Variants in FRMPD4 observed in about 807,000 individuals in gnomAD.
The protein encoded by FRMPD4 is FERM and PDZ domain containing 4, also known as FERM and PDZ domain-containing protein 4.
In FRMPD4, 22 loss-of-function variants were observed where a neutral mutation model predicts 94.1. The observed-to-expected ratio is 0.23, with a 90% CI of 0.17 to 0.33. The LOEUF (loss-of-function observed/expected upper bound fraction) is 0.33. FRMPD4 is among the 10% of genes least tolerant of loss of function. The pLI is 1.00. For synonymous variants in FRMPD4, 631 were observed against 548.6 expected, an observed-to-expected ratio of 1.15 and a Z score of -2.10; for missense variants, 1,111 against 1,339.9, an observed-to-expected ratio of 0.83 and a Z score of 2.67.
At chrX:12,040,452 T>A (rs2054747305) in intron 3 of FRMPD4, among the ~76,000 whole-genome samples, 1 of 109,610 alleles carries the variant, frequency 9.1e-6, no homozygotes, top group Non-Finnish European at 1.9e-5. Context: ...CATATAGAAG[T>A]CTACTGATTT....
intron 3 of FRMPD4, among the ~76,000 whole-genome samples, chrX:12,087,346 C>T (rs983407444): frequency 1.8e-5 from 2 of 111,860 alleles, no homozygotes; most frequent in Non-Finnish European, 3.8e-5. Context: ...TTCCTCCATT[C>T]CTAATCAGGC....
chrX:11,862,318 G>A (rs776224225), intron 1 of FRMPD4, among the ~76,000 whole-genome samples: 13 of 111,279 alleles, frequency 1.2e-4, no homozygotes, highest in Admixed American at 1.9e-4. Context: ...AAGCATTTTG[G>A]TGGTCTTTGG....
At chrX:12,694,578 G>A (rs923679111) in intron 9 of FRMPD4, 124 bp downstream of exon 9, 22 of 482,360 alleles carry the variant, frequency 4.6e-5, no homozygotes, top group Admixed American at 2.4e-4. Context: ...TCAGTGAATC[G>A]TACGATAATT....
At chrX:12,518,168 T>C (rs1333094656) in intron 2 of FRMPD4, among the ~76,000 whole-genome samples, 1 of 110,643 alleles carries the variant, frequency 9.0e-6, no homozygotes, top group Admixed American at 9.5e-5. Context: ...GGGAGCTCAA[T>C]AGTCTTAGGC....
intron 3 of FRMPD4, among the ~76,000 whole-genome samples, chrX:11,990,972 G>C (rs990125355): frequency 2.7e-5 from 3 of 111,230 alleles, no homozygotes; most frequent in African/African-American, 9.8e-5. Flanking sequence ...TATTTTTCTG[G>C]CCAGTGAATA....
intron 3 of FRMPD4, among the ~76,000 whole-genome samples, chrX:12,062,365 T>C (rs1288471146): frequency 1.8e-5 from 2 of 112,471 alleles, no homozygotes; most frequent in African/African-American, 6.5e-5. Flanking sequence ...CCCAATTTTC[T>C]CAATATTGAG....
At chrX:12,158,410 T>G (rs1360400471) in intron 1 of FRMPD4, among the ~76,000 whole-genome samples, 1 of 111,987 alleles carries the variant, frequency 8.9e-6, no homozygotes, top group Non-Finnish European at 1.9e-5. Flanking sequence ...TTTTTAAGAC[T>G]GTTCGGTGAT....
At chrX:12,419,407 T>C (rs2056853693) in intron 1 of FRMPD4, among the ~76,000 whole-genome samples, 1 of 112,747 alleles carries the variant, frequency 8.9e-6, no homozygotes, top group African/African-American at 3.2e-5. Context: ...AATGTTTTTG[T>C]TTTGGAAAAT....
At chrX:12,349,093 C>G (rs773087143) in intron 1 of FRMPD4, among the ~76,000 whole-genome samples, 1 of 111,109 alleles carries the variant, frequency 9.0e-6, no homozygotes, top group Non-Finnish European at 1.9e-5. Context: ...TCTCTGTCCC[C>G]CCTGGAGACC....
intron 15 of FRMPD4, 151 bp from the exon 16 acceptor site, chrX:12,717,350 T>A (rs981524814): frequency 1.0e-4 from 40 of 384,550 alleles, no homozygotes; most frequent in Admixed American, 4.3e-4. Flanking sequence ...CCCACCCCCA[T>A]TTCTGGAAAA....
intron 1 of FRMPD4, among the ~76,000 whole-genome samples, chrX:12,442,477 G>A (rs901941100): frequency 4.5e-5 from 5 of 111,758 alleles, no homozygotes; most frequent in Non-Finnish European, 9.4e-5. Flanking sequence ...TGTAAAGACC[G>A]TCTAATTCAA....
intron 1 of FRMPD4, among the ~76,000 whole-genome samples, chrX:12,374,287 C>G (rs190609586): frequency 2.7e-5 from 3 of 112,199 alleles, no homozygotes; most frequent in East Asian, 2.8e-4. Flanking sequence ...ATTTTAGACT[C>G]TAAATTTTGA....
chrX:12,077,096 A>G (rs1284436162), intron 3 of FRMPD4, among the ~76,000 whole-genome samples: 1 of 111,078 alleles, frequency 9.0e-6, no homozygotes, highest in Admixed American at 9.6e-5. Context: ...TACAGGGCTT[A>G]TGTTTCTTTA....
intron 2 of FRMPD4, among the ~76,000 whole-genome samples, chrX:12,539,697 G>A (rs773721413): frequency 1.8e-5 from 2 of 109,753 alleles, no homozygotes; most frequent in Admixed American, 1.9e-4. Context: ...GCAATGGCAC[G>A]ATCTCAGCTC....
intron 2 of FRMPD4, among the ~76,000 whole-genome samples, chrX:12,572,746 C>T (rs111548007): frequency 0.036 from 4,048 of 111,734 alleles, 73 homozygotes; most frequent in Middle Eastern, 0.1. Context: ...TATGTACATA[C>T]GCACAGGAGT....
intron 1 of FRMPD4, among the ~76,000 whole-genome samples, chrX:12,337,413 G>A (rs1231595525): frequency 8.9e-6 from 1 of 112,182 alleles, no homozygotes; most frequent in African/African-American, 3.2e-5. Flanking sequence ...TATAAAGAAT[G>A]CACACATATT....
At chrX:12,719,937 C>T (rs1207276213) in intron 16 of FRMPD4, among the ~76,000 whole-genome samples, 1 of 106,410 alleles carries the variant, frequency 9.4e-6, no homozygotes, top group African/African-American at 3.5e-5. Flanking sequence ...TAAAAAGATT[C>T]ACTTATTTAA....
chrX:12,139,823 A>G (rs995141117), intron 1 of FRMPD4, among the ~76,000 whole-genome samples: 6 of 111,591 alleles, frequency 5.4e-5, no homozygotes, highest in African/African-American at 1.3e-4. Flanking sequence ...TTAATTGGGA[A>G]GAGCCCAATA....
rs1294503484 is a variant in FRMPD4, at chrX:12,324,666, A to G, written c.42-174014A>G. On this transcript the variant is annotated intron_variant, in intron 1 of 16. Transcript: ENST00000675598. ...TTCATGCCTTATGTTCTCAAATATC[A>G]AGTGCCTAGATTCTTTCACTTAGAT... is the stretch of plus-strand genomic sequence containing the variant. 4.5e-5 allele frequency among the ~76,000 whole-genome samples: 5 copies of G among 112,107 alleles called. No individual in the cohort carries two copies. The East Asian group carries it at 1.4e-3, about 31-fold the overall frequency.
Sources: gnomAD v4.1 joint callset for allele counts (sites outside exome capture counted in the v4.1 genomes callset) on GRCh38, gnomAD v4.1.1 for gene constraint, MANE v1.5 for transcripts, NCBI Gene and HGNC (gene_info 2026-07-23, HGNC 2026-07-21) for gene names.